Variants in PIGL observed in about 807,000 individuals in gnomAD.
PIGL encodes the protein phosphatidylinositol glycan anchor biosynthesis class L, also known as N-acetylglucosaminyl-phosphatidylinositol de-N-acetylase.
Under a neutral mutation model 31.1 loss-of-function variants are expected in PIGL, and 22 were observed. The ratio of observed to expected loss-of-function variants is 0.71; its 90% CI spans 0.51 to 1.01. The LOEUF (loss-of-function observed/expected upper bound fraction) is 1.01, where lower values mean the gene tolerates loss of function less well. PIGL is among the 50% of genes least tolerant of loss of function. The pLI, the probability that PIGL is intolerant of heterozygous loss-of-function variation, is 0.00. For missense variants in PIGL, 302 were observed against 315.9 expected, an observed-to-expected ratio of 0.96 and a Z score of 0.33; for synonymous variants, 131 against 117.4, an observed-to-expected ratio of 1.12 and a Z score of -0.75.
intron 2 of PIGL, among the ~76,000 whole-genome samples, chr17:16,246,754 C>T (rs1261429791): frequency 1.5e-5 from 2 of 136,190 alleles, no homozygotes; most frequent in African/African-American, 2.7e-5. Context: ...GGCGCAATCT[C>T]GGCTCACTGC....
chr17:16,276,104 T>G (rs549836113), intron 2 of PIGL, among the ~76,000 whole-genome samples: 1 of 152,328 alleles, frequency 6.6e-6, no homozygotes, highest in South Asian at 2.1e-4. Flanking sequence ...GATTAATAAG[T>G]GTTCAATTTA....
intron 3 of PIGL, 148 bp downstream of exon 3, chr17:16,300,126 C>T: frequency 1.6e-6 from 1 of 621,032 alleles, no homozygotes; most frequent in East Asian, 2.7e-5. Context: ...CCAATGCTCA[C>T]CATTAAACCT....
chr17:16,298,297 A>G (rs2092990989), intron 2 of PIGL, among the ~76,000 whole-genome samples: 1 of 152,162 alleles, frequency 6.6e-6, no homozygotes, highest in African/African-American at 2.4e-5. Context: ...GGGAGGTGAT[A>G]ACAGCCTGCC....
intron 2 of PIGL, among the ~76,000 whole-genome samples, chr17:16,270,890 CAA>C (rs11350245): frequency 4.8e-4 from 69 of 143,022 alleles, no homozygotes; most frequent in Admixed American, 5.6e-4. Flanking sequence ...GAGACTGTCT[CAA>C]AAAAAAAAAA....
intron 4 of PIGL, among the ~76,000 whole-genome samples, chr17:16,315,234 G>A (rs1000067889): frequency 1.3e-5 from 2 of 152,210 alleles, no homozygotes; most frequent in Non-Finnish European, 2.9e-5. Flanking sequence ...CTGTGCTTCA[G>A]ATAAAACAAT....
intron 2 of PIGL, among the ~76,000 whole-genome samples, chr17:16,237,046 T>G (rs2092702024): frequency 6.7e-6 from 1 of 149,086 alleles, no homozygotes; most frequent in African/African-American, 2.5e-5. Context: ...CAGGCAATCC[T>G]CCTGTGTCAG....
At chr17:16,254,755 C>T (rs1488127598) in intron 2 of PIGL, among the ~76,000 whole-genome samples, 1 of 152,096 alleles carries the variant, frequency 6.6e-6, no homozygotes, top group East Asian at 1.9e-4. Flanking sequence ...CAGGCGCCCA[C>T]CACCACGTCC....
intron 3 of PIGL, among the ~76,000 whole-genome samples, chr17:16,302,089 A>C (rs939029703): frequency 6.6e-5 from 10 of 152,160 alleles, no homozygotes; most frequent in African/African-American, 2.4e-4. Context: ...CACACAGGCC[A>C]AAACAGGCAC....
chr17:16,316,670 C>G lies in PIGL; in HGVS notation c.495-11C>G. The G allele has an allele frequency of 6.3e-7, 1 of 1,596,164 alleles. No individual in the cohort carries two copies. Among genetic ancestry groups the G allele is most frequent in the Non-Finnish European group, 8.6e-7 (1 of 1,165,652 alleles). The stretch of plus-strand genomic sequence containing the variant: ...CTTACTCCTCTCACTCTTGTCCTAT[C>G]CCTCCTCCAGGGCCCTGCACTCAGA... On this transcript the variant is annotated splice_polypyrimidine_tract_variant and intron_variant, in intron 4 of 6. Transcript: ENST00000225609.
Position 16,239,774 on chromosome 17 carries a change from AT to A in PIGL, c.335+5705del, listed in dbSNP as rs995386168. Among the ~76,000 whole-genome samples, 35 of 152,046 alleles carry A rather than the reference AT, an allele frequency of 2.3e-4. 1 individual carries two copies. The highest frequency in any genetic ancestry group is 7.0e-4 in the African/African-American group (29 of 41,494). On this transcript the variant is annotated intron_variant, in intron 2 of 6. Transcript: ENST00000225609. ...GGTAGCAGCAACTGAGATGGAGATGATGGGATGAATTCAACTCTTTTTTTTT... is the reference window on the plus strand; with the variant it reads ...GGTAGCAGCAACTGAGATGGAGATGAGGGATGAATTCAACTCTTTTTTTTT...
intron 3 of PIGL, among the ~76,000 whole-genome samples, chr17:16,313,020 G>C (rs1020341352): frequency 6.6e-6 from 1 of 151,972 alleles, no homozygotes; most frequent in African/African-American, 2.4e-5. Context: ...GACTGAGCTT[G>C]TAGTTAATAA....
chr17:16,299,480 TG>T (rs1282289156), intron 2 of PIGL, among the ~76,000 whole-genome samples: 1 of 152,096 alleles, frequency 6.6e-6, no homozygotes, highest in Non-Finnish European at 1.5e-5. Flanking sequence ...AAAAAACCTC[TG>T]TCAAAAGATG....
chr17:16,258,105 G>GAA (rs2092803568), intron 2 of PIGL, among the ~76,000 whole-genome samples: 1 of 120,852 alleles, frequency 8.3e-6, no homozygotes, highest in African/African-American at 3.1e-5. Context: ...GAGAGAGAAA[G>GAA]AGAGAGAGAG....
intron 2 of PIGL, among the ~76,000 whole-genome samples, chr17:16,261,286 C>A (rs1459354332): frequency 6.6e-6 from 1 of 152,082 alleles, no homozygotes; most frequent in Admixed American, 6.6e-5. Flanking sequence ...CCAGTGGGTG[C>A]AAGCAATACT....
chr17:16,266,549 T>TA (rs1390412224), intron 2 of PIGL, among the ~76,000 whole-genome samples: 1 of 152,014 alleles, frequency 6.6e-6, no homozygotes, highest in Non-Finnish European at 1.5e-5. Flanking sequence ...TCAAGACCTT[T>TA]AACTGCCTAG....
intron 2 of PIGL, among the ~76,000 whole-genome samples, chr17:16,254,949 C>T (rs1013929972): frequency 2.0e-5 from 3 of 152,122 alleles, no homozygotes; most frequent in Non-Finnish European, 4.4e-5. Flanking sequence ...TTTGAACCCT[C>T]GATATATAAT....
intron 2 of PIGL, among the ~76,000 whole-genome samples, chr17:16,299,186 C>A (rs533129898): frequency 1.3e-5 from 2 of 151,008 alleles, no homozygotes; most frequent in Non-Finnish European, 3.0e-5. Flanking sequence ...CCAGCCTAGG[C>A]GACAGAGCAG....
At chr17:16,311,482 GATCA>G (rs2093049997) in intron 3 of PIGL, among the ~76,000 whole-genome samples, 1 of 6,000 alleles carries the variant, frequency 1.7e-4, no homozygotes, top group Admixed American at 1.3e-3. Flanking sequence ...TTTTTTTTTT[GATCA>G]TTCTTGGGTG....
At chr17:16,231,071 T>C (rs956742519) in intron 1 of PIGL, among the ~76,000 whole-genome samples, 1 of 127,502 alleles carries the variant, frequency 7.8e-6, no homozygotes, top group South Asian at 2.5e-4. Flanking sequence ...GTTTTTCTTT[T>C]TTTTTTTTTT....
Sources: gnomAD v4.1 joint callset for allele counts (sites outside exome capture counted in the v4.1 genomes callset) on GRCh38, gnomAD v4.1.1 for gene constraint, MANE v1.5 for transcripts, NCBI Gene and HGNC (gene_info 2026-07-23, HGNC 2026-07-21) for gene names.